ESF1: variants seen among roughly 807,000 people sequenced by gnomAD.
ESF1 encodes ESF1 nucleolar pre-rRNA processing protein.
Under a neutral mutation model 92.0 loss-of-function variants are expected in ESF1, and 58 were observed. The observed-to-expected ratio is 0.63, with a 90% CI of 0.51 to 0.78. The LOEUF is 0.78. Ranked by LOEUF, ESF1 falls within the 30% of genes least tolerant of loss-of-function variation. The probability of loss-of-function intolerance (pLI) is 0.00; values close to 1 mark genes in which losing one functional copy is unlikely to be tolerated. For missense variants in ESF1, 922 were observed against 989.1 expected (o/e 0.93, Z 0.91); for synonymous variants, 321 against 313.7 (o/e 1.02, Z -0.24).
rs747017823 is a variant in ESF1, at chr20:13,782,676, C to T, written c.465G>A (p.Lys155=). ...TTTGTGTAAATTCTTTGCTATCCTT[C>T]TTCGGACTTATGTTTGAATCTATCT... ...KFKIDSNISP[K]KDSKEFTQKN... The change falls in exon 2 of 14, where the codon AAG becomes AAA. Residue 155 remains lysine, a synonymous_variant. Transcript: ENST00000617257. 6.3e-7 allele frequency: 1 copy of T among 1,599,648 alleles called. No homozygotes were observed. The highest frequency in any genetic ancestry group is 1.2e-5 in the South Asian group (1 of 86,626).
At chr20:13,739,964 C>T (rs1476170933) in intron 9 of ESF1, among the ~76,000 whole-genome samples, 1 of 152,092 alleles carries the variant, frequency 6.6e-6, no homozygotes, top group Non-Finnish European at 1.5e-5. Context: ...TCCCTTCCCC[C>T]ACAAATCAGA....
At chr20:13,771,080 G>C (rs985522519) in intron 6 of ESF1, among the ~76,000 whole-genome samples, 9 of 152,106 alleles carry the variant, frequency 5.9e-5, no homozygotes, top group Non-Finnish European at 1.3e-4. Flanking sequence ...TATTGTGTAA[G>C]GTACACCATC....
chr20:13,762,016 A>G (rs1425573806), intron 8 of ESF1, among the ~76,000 whole-genome samples: 3 of 152,194 alleles, frequency 2.0e-5, no homozygotes, highest in Non-Finnish European at 4.4e-5. Flanking sequence ...TTTAGCTGGG[A>G]AACATCAGTG....
intron 11 of ESF1, among the ~76,000 whole-genome samples, chr20:13,719,954 C>T (rs2049856227): frequency 6.6e-6 from 1 of 152,110 alleles, no homozygotes. Context: ...GCTCTATTAC[C>T]AGGCAATACC....
chr20:13,761,084 C>A lies in ESF1; in HGVS notation c.1667-1231G>T, dbSNP rs1227496982. Among the ~76,000 whole-genome samples the A allele has an allele frequency of 3.3e-5, 5 of 152,076 alleles. No homozygotes were observed. The East Asian group carries it at 9.7e-4, about 29-fold the overall frequency. On this transcript the variant is annotated intron_variant, in intron 8 of 13. Transcript: ENST00000617257. ...TCCTGTTGATCTATGACCTTACCCC[C>A]AACCCTGTGCTCTCTGAAACATGTG...
chr20:13,759,656 T>C lies in ESF1; in HGVS notation c.1828+36A>G. On this transcript the variant is annotated intron_variant, in intron 9 of 13. Transcript: ENST00000617257. Reference sequence around the variant, plus strand: ...TAAAAGGTACTCAACATGCTGAAATTCGAAAAAGAGAAAACATTTAGTATC... The same window carrying C: ...TAAAAGGTACTCAACATGCTGAAATCCGAAAAAGAGAAAACATTTAGTATC... 5 of 1,562,840 alleles carry C rather than the reference T, an allele frequency of 3.2e-6. No individual in the cohort carries two copies. The South Asian group carries it at 3.6e-5, about 11-fold the overall frequency.
At position 13,728,450 on chromosome 20, in the gene ESF1, C is replaced by T; in HGVS notation, c.1966G>A (p.Ala656Thr). ...KRKQKALAEE[A>T]SEEELPSDVD... ...TCAGAGGGAAGTTCCTCTTCACTGG[C>T]CTCTTCAGCAAGAGCCTTAAAAGTT... The change falls in exon 11 of 14, where the codon GCC becomes ACC. Residue 656 changes from alanine (A) to threonine (T), a missense_variant. Ala to Thr is a moderately conservative substitution (Grantham distance 58). Transcript: ENST00000617257. 6.2e-7 allele frequency: 1 copy of T among 1,610,914 alleles called. No homozygotes were observed.
intron 7 of ESF1, among the ~76,000 whole-genome samples, chr20:13,768,798 G>A (rs1456944671): frequency 6.6e-6 from 1 of 151,046 alleles, no homozygotes; most frequent in Non-Finnish European, 1.5e-5. Flanking sequence ...CGGGGAGGCT[G>A]TGGCAGAAGA....
intron 9 of ESF1, among the ~76,000 whole-genome samples, chr20:13,738,446 G>A (rs768366907): frequency 8.6e-5 from 13 of 151,752 alleles, no homozygotes; most frequent in Non-Finnish European, 1.3e-4. Flanking sequence ...CCTGAGTAGT[G>A]GGACCACAGG....
intron 11 of ESF1, among the ~76,000 whole-genome samples, chr20:13,721,311 C>T (rs1380456659): frequency 5.9e-5 from 9 of 152,122 alleles, no homozygotes; most frequent in African/African-American, 7.2e-5. Flanking sequence ...TATTATGTTG[C>T]GATCACAGCT....
At chr20:13,731,905 G>C (rs1234382660) in intron 10 of ESF1, among the ~76,000 whole-genome samples, 1 of 152,338 alleles carries the variant, frequency 6.6e-6, no homozygotes, top group East Asian at 1.9e-4. Context: ...GGAGGTTCCT[G>C]GAGGGTGGAG....
chr20:13,730,531 C>T (rs182092910), intron 10 of ESF1, among the ~76,000 whole-genome samples: 152 of 151,888 alleles, frequency 1.0e-3, no homozygotes, highest in African/African-American at 3.6e-3. Flanking sequence ...CCACAGGTGC[C>T]CGCCACCACG....
At chr20:13,735,471 T>C (rs2049970190) in intron 9 of ESF1, among the ~76,000 whole-genome samples, 1 of 152,116 alleles carries the variant, frequency 6.6e-6, no homozygotes, top group Non-Finnish European at 1.5e-5. Context: ...AAATGTGTAA[T>C]ATAAAACCAT....
chr20:13,764,265 T>C (rs1431881518), intron 8 of ESF1, among the ~76,000 whole-genome samples: 1 of 152,194 alleles, frequency 6.6e-6, no homozygotes, highest in Admixed American at 6.5e-5. Flanking sequence ...GATTGGCAAT[T>C]CTATTAGATA....
intron 4 of ESF1, among the ~76,000 whole-genome samples, chr20:13,774,838 T>C (rs979853063): frequency 2.0e-5 from 3 of 152,188 alleles, no homozygotes; most frequent in Non-Finnish European, 4.4e-5. Flanking sequence ...ATAATTAGAT[T>C]TTTTCCTTAA....
intron 9 of ESF1, among the ~76,000 whole-genome samples, chr20:13,739,998 T>C (rs2050000913): frequency 6.6e-6 from 1 of 152,060 alleles, no homozygotes; most frequent in Non-Finnish European, 1.5e-5. Context: ...TGTTTGGGCT[T>C]TGGTTATGGG....
intron 11 of ESF1, among the ~76,000 whole-genome samples, chr20:13,721,420 G>A (rs941553027): frequency 6.6e-6 from 1 of 152,124 alleles, no homozygotes; most frequent in African/African-American, 2.4e-5. Flanking sequence ...CAGGACAGAA[G>A]GGTTGGAGAC....
intron 9 of ESF1, among the ~76,000 whole-genome samples, chr20:13,757,184 G>A (rs939998487): frequency 3.3e-5 from 5 of 151,970 alleles, no homozygotes; most frequent in East Asian, 3.9e-4. Context: ...AAACCAATAC[G>A]AGGAATGAAA....
At position 13,714,650 on chromosome 20, in the gene ESF1, T is replaced by C. The variant is rs560466657; in HGVS notation, c.*224A>G. On this transcript the variant is annotated 3_prime_UTR_variant, in exon 14 of 14. Coordinates refer to ENST00000617257, the MANE Select transcript of ESF1 (RefSeq NM_001276380.2). ...TATAAAAATTTTATAAACCCTATAA[T>C]GCAGGTAATTTAATTATGACTGATC... 247 of 415,806 alleles carry C rather than the reference T, an allele frequency of 5.9e-4. 1 individual carries two copies. Among genetic ancestry groups the C allele is most frequent in the African/African-American group, 4.8e-3 (239 of 50,206 alleles). 25.8% of individuals were successfully genotyped at this position (415,806 alleles called of 1,614,324 possible).
Sources: gnomAD v4.1 joint callset for allele counts (sites outside exome capture counted in the v4.1 genomes callset) on GRCh38, gnomAD v4.1.1 for gene constraint, MANE v1.5 for transcripts, NCBI Gene and HGNC (gene_info 2026-07-23, HGNC 2026-07-21) for gene names.